The following XKR4 variants were observed in gnomAD, a reference collection of about 807,000 sequenced individuals.
XKR4 encodes the protein XK-related protein 4.
In XKR4, 12 loss-of-function variants were observed where a neutral mutation model predicts 53.9. The ratio of observed to expected loss-of-function variants is 0.22; its 90% CI spans 0.14 to 0.36. XKR4 has a LOEUF of 0.36. XKR4 is among the 10% of genes least tolerant of loss of function. The pLI is 1.00. For missense variants in XKR4, 799 were observed against 859.5 expected, an observed-to-expected ratio of 0.93 and a Z score of 0.88; for synonymous variants, 354 against 362.4, an observed-to-expected ratio of 0.98 and a Z score of 0.26.
intron 1 of XKR4, among the ~76,000 whole-genome samples, chr8:55,309,356 A>G (rs943747975): frequency 6.6e-6 from 1 of 152,250 alleles, no homozygotes; most frequent in Non-Finnish European, 1.5e-5. Context: ...ATTTAATATG[A>G]CAACATTTCA....
chr8:55,240,624 C>A (rs1818197992), intron 1 of XKR4, among the ~76,000 whole-genome samples: 1 of 152,064 alleles, frequency 6.6e-6, no homozygotes, highest in African/African-American at 2.4e-5. Flanking sequence ...ATTTTCCCCA[C>A]AAGGAGCATG....
At chr8:55,479,157 A>G (rs1806057862) in intron 2 of XKR4, among the ~76,000 whole-genome samples, 1 of 152,034 alleles carries the variant, frequency 6.6e-6, no homozygotes. Flanking sequence ...GAAGTAAAGC[A>G]CTCCTCAGCA....
intron 2 of XKR4, among the ~76,000 whole-genome samples, chr8:55,429,675 G>A (rs1351203668): frequency 1.3e-5 from 2 of 151,226 alleles, no homozygotes; most frequent in African/African-American, 2.4e-5. Context: ...AGGTTACAGC[G>A]AGCAGAGCAC....
At chr8:55,247,891 C>G (rs1328756808) in intron 1 of XKR4, among the ~76,000 whole-genome samples, 1 of 71,168 alleles carries the variant, frequency 1.4e-5, no homozygotes, top group Non-Finnish European at 3.5e-5. Context: ...GAGTCTTGCT[C>G]TGTCTCCAGG....
chr8:55,297,216 G>A (rs1040531403), intron 1 of XKR4, among the ~76,000 whole-genome samples: 1 of 152,090 alleles, frequency 6.6e-6, no homozygotes, highest in African/African-American at 2.4e-5. Flanking sequence ...AAGAGCTTGG[G>A]GAGCACATTT....
At chr8:55,312,940 A>G (rs1819408510) in intron 1 of XKR4, among the ~76,000 whole-genome samples, 1 of 152,198 alleles carries the variant, frequency 6.6e-6, no homozygotes, top group South Asian at 2.1e-4. Context: ...ATAGTTCTGA[A>G]CTAGATTCTT....
At chr8:55,500,045 G>A (rs1207946275) in intron 2 of XKR4, among the ~76,000 whole-genome samples, 1 of 152,034 alleles carries the variant, frequency 6.6e-6, no homozygotes, top group East Asian at 1.9e-4. Context: ...TAGAGCTTGA[G>A]AGCAAAGGTG....
intron 2 of XKR4, among the ~76,000 whole-genome samples, chr8:55,417,593 A>T (rs143879229): frequency 9.8e-5 from 15 of 152,352 alleles, no homozygotes; most frequent in African/African-American, 3.4e-4. Context: ...AAAAAAGTGT[A>T]GCTGTAGGGT....
chr8:55,523,245 A>G (rs1806825864), intron 2 of XKR4, 36 bp from the exon 3 acceptor site: 1 of 1,531,256 alleles, frequency 6.5e-7, no homozygotes. Context: ...GCTGCAACTG[A>G]TTTCTGACAC....
rs1328525323 is a variant in XKR4, at chr8:55,495,055, G to A, written c.1007-28226G>A. Among the ~76,000 whole-genome samples the A allele has an allele frequency of 2.0e-5, 3 of 152,260 alleles. No individual in the cohort carries two copies. In the East Asian group the frequency reaches 5.8e-4, roughly 29 times the overall value. On this transcript the variant is annotated intron_variant, in intron 2 of 2. Coordinates refer to ENST00000327381, the MANE Select transcript of XKR4 (RefSeq NM_052898.2). ...CCAGGCTGTCCTCAATACCTGCTTG[G>A]CCTCCCTCCCACGCTTGTCAGTGCC...
intron 1 of XKR4, among the ~76,000 whole-genome samples, chr8:55,111,519 G>A (rs915614713): frequency 6.6e-6 from 1 of 152,156 alleles, no homozygotes; most frequent in Non-Finnish European, 1.5e-5. Flanking sequence ...GAACTGGCAT[G>A]GTTCATACAT....
At position 55,512,801 on chromosome 8, in the gene XKR4, G is replaced by C. The variant is rs149982802; in HGVS notation, c.1007-10480G>C. On this transcript the variant is annotated intron_variant, in intron 2 of 2. Coordinates refer to ENST00000327381, the MANE Select transcript of XKR4 (RefSeq NM_052898.2). ...CACCCCTCCATGGATGGGCACGCCAGTGTGTTCTCTCTGGGGTCTCTCCTT... is the reference window on the plus strand; with the variant it reads ...CACCCCTCCATGGATGGGCACGCCACTGTGTTCTCTCTGGGGTCTCTCCTT... Among the ~76,000 whole-genome samples, 406 of 152,244 alleles carry C rather than the reference G, an allele frequency of 2.7e-3. 1 individual carries two copies. Among genetic ancestry groups the C allele is most frequent in the African/African-American group, 9.3e-3 (386 of 41,540 alleles).
intron 2 of XKR4, among the ~76,000 whole-genome samples, chr8:55,446,561 C>T (rs1753329372): frequency 6.6e-6 from 1 of 152,110 alleles, no homozygotes; most frequent in African/African-American, 2.4e-5. Flanking sequence ...GTTGCCCAGG[C>T]TGGTCTTGAA....
chr8:55,478,718 A>T (rs1295036968), intron 2 of XKR4, among the ~76,000 whole-genome samples: 1 of 152,164 alleles, frequency 6.6e-6, no homozygotes, highest in Non-Finnish European at 1.5e-5. Context: ...TACCAAGCAA[A>T]TGGAAAACAA....
At chr8:55,453,655 A>C (rs770136390) in intron 2 of XKR4, 17 of 421,948 alleles carry the variant, frequency 4.0e-5, no homozygotes, top group South Asian at 2.9e-4. Context: ...TGGCGCCCTC[A>C]TCCAGCCAGG....
At chr8:55,205,545 G>A (rs1245747487) in intron 1 of XKR4, among the ~76,000 whole-genome samples, 1 of 152,206 alleles carries the variant, frequency 6.6e-6, no homozygotes, top group Non-Finnish European at 1.5e-5. Context: ...ACTGGCCAAA[G>A]AATGTTTCCT....
intron 2 of XKR4, among the ~76,000 whole-genome samples, chr8:55,423,408 A>G (rs1804967022): frequency 6.6e-6 from 1 of 152,188 alleles, no homozygotes; most frequent in African/African-American, 2.4e-5. Flanking sequence ...CATAATTTTT[A>G]AAAATAGTAG....
At chr8:55,292,148 C>T (rs1354509183) in intron 1 of XKR4, among the ~76,000 whole-genome samples, 1 of 151,970 alleles carries the variant, frequency 6.6e-6, no homozygotes, top group East Asian at 1.9e-4. Context: ...TCCTTTTGTG[C>T]TGTGTCTGTC....
At chr8:55,437,963 AAAAGAAG>A (rs1563349737) in intron 2 of XKR4, among the ~76,000 whole-genome samples, 4 of 139,024 alleles carry the variant, frequency 2.9e-5, no homozygotes, top group Admixed American at 7.2e-5. Context: ...ACAAAAAAAA[AAAAGAAG>A]AAGAAGAAGA....
Sources: gnomAD v4.1 joint callset for allele counts (sites outside exome capture counted in the v4.1 genomes callset) on GRCh38, gnomAD v4.1.1 for gene constraint, MANE v1.5 for transcripts, NCBI Gene and HGNC (gene_info 2026-07-23, HGNC 2026-07-21) for gene names.